Variants in PPP4C observed in about 807,000 individuals in gnomAD.
PPP4C encodes the protein serine/threonine-protein phosphatase 4 catalytic subunit.
Under a neutral mutation model 40.5 loss-of-function variants are expected in PPP4C, and 10 were observed. That is an observed-to-expected ratio of 0.25 (90% confidence interval 0.15 to 0.42). The LOEUF (loss-of-function observed/expected upper bound fraction) is 0.42, where lower values mean the gene tolerates loss of function less well. PPP4C is among the 10% of genes least tolerant of loss of function. The pLI, the probability that PPP4C is intolerant of heterozygous loss-of-function variation, is 1.00. For missense variants in PPP4C, 191 were observed against 416.4 expected (o/e 0.46, Z 4.71); for synonymous variants, 187 against 163.6 (o/e 1.14, Z -1.09).
chr16:30,079,272 C>T (rs892874367), intron 2 of PPP4C, among the ~76,000 whole-genome samples: 12 of 151,824 alleles, frequency 7.9e-5, no homozygotes, highest in African/African-American at 2.9e-4. Flanking sequence ...TCACTGCAAC[C>T]TCCACCTCCT....
At position 30,083,726 on chromosome 16, in the gene PPP4C, G is replaced by A. The variant is rs2072555877; in HGVS notation, c.549G>A (p.Lys183=). 6.2e-7 allele frequency: 1 copy of A among 1,614,228 alleles called. No individual in the cohort carries two copies. Among genetic ancestry groups the A allele is most frequent in the East Asian group, 2.2e-5 (1 of 44,886 alleles). ...TLDQIRTIDR[K]QEVPHDGPMC... ...ATCAGATTCGGACAATCGACCGAAA[G>A]CAAGAGGTGCCTCATGATGGGCCCA... The change falls in exon 7 of 9, where the codon AAG becomes AAA. Residue 183 remains lysine, a synonymous_variant. Transcript: ENST00000279387. The surrounding 1 kb of genome is among the most constrained non-coding windows in gnomAD (Gnocchi z 6.3).
At chr16:30,078,208 C>T (rs2072439490) in intron 2 of PPP4C, among the ~76,000 whole-genome samples, 1 of 152,180 alleles carries the variant, frequency 6.6e-6, no homozygotes, top group African/African-American at 2.4e-5. Flanking sequence ...TATTCAGTCT[C>T]CATGGCTCCT....
At chr16:30,076,115 T>A in intron 1 of PPP4C, 21 bp downstream of exon 1, 1 of 548,994 alleles carries the variant, frequency 1.8e-6, no homozygotes, top group Non-Finnish European at 3.3e-6. Flanking sequence ...GAGACTCCTC[T>A]AAGTCACCGT....
intron 2 of PPP4C, 115 bp downstream of exon 2, chr16:30,076,590 G>A: frequency 1.0e-6 from 1 of 972,884 alleles, no homozygotes; most frequent in Non-Finnish European, 1.6e-6. Flanking sequence ...TTCCCAGAGA[G>A]GAGCAGGATG....
At chr16:30,079,291 G>A (rs538230979) in intron 2 of PPP4C, among the ~76,000 whole-genome samples, 26 of 151,456 alleles carry the variant, frequency 1.7e-4, no homozygotes, top group Non-Finnish European at 3.1e-4. Context: ...CTAGGTTCAA[G>A]TGATTCTCCT....
intron 1 of PPP4C, 66 bp from the exon 2 acceptor site, chr16:30,076,249 A>T: frequency 1.1e-6 from 1 of 933,752 alleles, no homozygotes; most frequent in Non-Finnish European, 1.6e-6. Context: ...CCGGCTCTAG[A>T]ATCGAGTTGT....
At chr16:30,082,948 T>C in intron 5 of PPP4C, 101 bp downstream of exon 5, 2 of 1,023,250 alleles carry the variant, frequency 2.0e-6, no homozygotes, top group Non-Finnish European at 2.9e-6. Context: ...AGCCCCACCT[T>C]GGAGCTGTGT....
At chr16:30,081,151 C>T (rs1211683837) in intron 2 of PPP4C, 108 bp from the exon 3 acceptor site, 2 of 1,500,078 alleles carry the variant, frequency 1.3e-6, no homozygotes, top group East Asian at 4.5e-5. Flanking sequence ...CACTCCTGCC[C>T]CCTGGAGCTT....
chr16:30,080,962 C>T (rs1312787328), intron 2 of PPP4C, among the ~76,000 whole-genome samples: 2 of 152,164 alleles, frequency 1.3e-5, no homozygotes, highest in Admixed American at 6.5e-5. Flanking sequence ...GGAGTGAGTC[C>T]TGGATGCGGA....
intron 2 of PPP4C, 76 bp from the exon 3 acceptor site, chr16:30,081,183 C>T: frequency 1.9e-6 from 3 of 1,603,712 alleles, no homozygotes; most frequent in Non-Finnish European, 2.6e-6. Context: ...TCATATCCTC[C>T]CCTCCCCCCA....
Position 30,076,006 on chromosome 16 carries a change from A to AGCGGCG in PPP4C, c.-132_-127dup, listed in dbSNP as rs536280015. On this transcript the variant is annotated 5_prime_UTR_variant, in exon 1 of 9. Coordinates refer to ENST00000279387, the MANE Select transcript of PPP4C (RefSeq NM_002720.3). ...CTTCCGCGGCGGGGCCGGAAGTAGGAGCGGCGGCGGCGGCGGCGGCGGCGG... is the reference window on the plus strand; with the variant it reads ...CTTCCGCGGCGGGGCCGGAAGTAGGAGCGGCGGCGGCGGCGGCGGCGGCGGCGGCGG... 7.3e-3 allele frequency: 2,582 copies of AGCGGCG among 351,778 alleles called. 35 individuals carry two copies. Among genetic ancestry groups the AGCGGCG allele is most frequent in the African/African-American group, 0.034 (1,506 of 44,424 alleles). The allele number at this position is 351,778 out of a possible 1,614,324, so 21.8% of individuals were successfully genotyped here. A position where few individuals can be genotyped will look rare whatever the true frequency, so the allele number is the denominator to read the frequency against.
At chr16:30,078,102 G>C (rs1042435338) in intron 2 of PPP4C, among the ~76,000 whole-genome samples, 2 of 152,206 alleles carry the variant, frequency 1.3e-5, no homozygotes, top group Non-Finnish European at 2.9e-5. Flanking sequence ...TAACCTCGAA[G>C]TATTGTCTCC....
At chr16:30,079,195 T>C (rs912042218) in intron 2 of PPP4C, among the ~76,000 whole-genome samples, 4 of 151,684 alleles carry the variant, frequency 2.6e-5, no homozygotes, top group Admixed American at 6.6e-5. Flanking sequence ...TTTTTCTTTT[T>C]TTTTTTTTTT....
chr16:30,079,190 C>CTT (rs60305885), intron 2 of PPP4C, among the ~76,000 whole-genome samples: 5 of 140,668 alleles, frequency 3.6e-5, no homozygotes, highest in Middle Eastern at 3.6e-3. Context: ...TTCTTTTTTT[C>CTT]TTTTTTTTTT....
At chr16:30,084,458 G>A (rs966720097) in intron 7 of PPP4C, among the ~76,000 whole-genome samples, 1 of 152,242 alleles carries the variant, frequency 6.6e-6, no homozygotes, top group Admixed American at 6.5e-5. Context: ...CCAGGCATTG[G>A]GCGTTCTTTC....
At chr16:30,078,248 G>A (rs2072440480) in intron 2 of PPP4C, among the ~76,000 whole-genome samples, 1 of 152,180 alleles carries the variant, frequency 6.6e-6, no homozygotes, top group Non-Finnish European at 1.5e-5. Context: ...CGCAGGGTGG[G>A]CTGAGTACTT....
chr16:30,076,039 C>G lies in PPP4C; in HGVS notation c.-119C>G, dbSNP rs1448415579. 1 of 407,026 alleles carries G rather than the reference C, an allele frequency of 2.5e-6. No homozygotes were observed. Among genetic ancestry groups the G allele is most frequent in the African/African-American group, 2.2e-5 (1 of 46,260 alleles). The allele number at this position is 407,026 out of a possible 1,614,324, so 25.2% of individuals were successfully genotyped here. A position where few individuals can be genotyped will look rare whatever the true frequency, so the allele number is the denominator to read the frequency against. On this transcript the variant is annotated 5_prime_UTR_variant, in exon 1 of 9. Coordinates refer to ENST00000279387, the MANE Select transcript of PPP4C (RefSeq NM_002720.3). Reference sequence around the variant, plus strand: ...CGGCGGCGGCGGCGGCGGTCGAAAGCGGAGTGAAAGAGGGAGGCAGGGAGC... The same window carrying G: ...CGGCGGCGGCGGCGGCGGTCGAAAGGGGAGTGAAAGAGGGAGGCAGGGAGC...
chr16:30,080,867 C>G (rs1005200321), intron 2 of PPP4C, among the ~76,000 whole-genome samples: 1 of 152,174 alleles, frequency 6.6e-6, no homozygotes, highest in African/African-American at 2.4e-5. Flanking sequence ...ACCCTTGTGT[C>G]TGGATAGCCT....
Position 30,080,511 on chromosome 16 carries a change from T to C in PPP4C, c.99-748T>C, listed in dbSNP as rs1370457740. On this transcript the variant is annotated intron_variant, in intron 2 of 8. Coordinates refer to ENST00000279387, the MANE Select transcript of PPP4C (RefSeq NM_002720.3). ...CACATGGCAAGAGCACCTCACTTTT[T>C]TTTTTTTTTTTTTGAGATGAAGTCT... 2.0e-5 allele frequency among the ~76,000 whole-genome samples: 3 copies of C among 148,828 alleles called. No homozygotes were observed. The East Asian group carries it at 5.9e-4, about 29-fold the overall frequency.
Sources: gnomAD v4.1 joint callset for allele counts (sites outside exome capture counted in the v4.1 genomes callset) on GRCh38, gnomAD v4.1.1 for gene constraint, Gnocchi (gnomAD v3.1) non-coding constraint, MANE v1.5 for transcripts, NCBI Gene and HGNC (gene_info 2026-07-23, HGNC 2026-07-21) for gene names.